The following GRID2 variants were observed in gnomAD, a reference collection of about 807,000 sequenced individuals.
GRID2 encodes glutamate ionotropic receptor delta type subunit 2, also known as glutamate receptor ionotropic, delta-2.
In GRID2, 33 loss-of-function variants were observed where a neutral mutation model predicts 114.8. The ratio of observed to expected loss-of-function variants is 0.29; its 90% CI spans 0.22 to 0.38. The LOEUF (loss-of-function observed/expected upper bound fraction) is 0.38. GRID2 is among the 10% of genes least tolerant of loss of function. The probability of loss-of-function intolerance (pLI) is 1.00; values close to 1 mark genes in which losing one functional copy is unlikely to be tolerated. For synonymous variants in GRID2, 505 were observed against 449.9 expected (o/e 1.12, Z -1.55); for missense variants, 1,184 against 1,257.7 (o/e 0.94, Z 0.89).
At chr4:92,470,995 TG>T (rs5860275) in intron 1 of GRID2, among the ~76,000 whole-genome samples, 23,413 of 151,926 alleles carry the variant, frequency 0.15, 2,248 homozygotes, top group African/African-American at 0.27. Context: ...AAGTAGGTTG[TG>T]TAGTATATTG....
chr4:93,383,374 G>T (rs1309054209), intron 8 of GRID2, among the ~76,000 whole-genome samples: 1 of 152,164 alleles, frequency 6.6e-6, no homozygotes, highest in Non-Finnish European at 1.5e-5. Flanking sequence ...ATTCATGGCT[G>T]CCTGCCATTG....
intron 7 of GRID2, among the ~76,000 whole-genome samples, chr4:93,230,958 G>T (rs1746060052): frequency 6.6e-6 from 1 of 151,980 alleles, no homozygotes; most frequent in Non-Finnish European, 1.5e-5. Context: ...ATTTGTTAGT[G>T]TTATGTAACC....
chr4:92,375,518 A>G (rs1729313104), intron 1 of GRID2, among the ~76,000 whole-genome samples: 1 of 152,192 alleles, frequency 6.6e-6, no homozygotes. Flanking sequence ...GATTAATGCC[A>G]TTCCATGCGT....
At chr4:93,149,631 T>TA (rs1736565521) in intron 4 of GRID2, among the ~76,000 whole-genome samples, 1 of 151,762 alleles carries the variant, frequency 6.6e-6, no homozygotes, top group Non-Finnish European at 1.5e-5. Context: ...GAAAAGCTTT[T>TA]ATTTATGTAT....
At chr4:93,315,031 G>A (rs1288541577) in intron 8 of GRID2, among the ~76,000 whole-genome samples, 1 of 152,102 alleles carries the variant, frequency 6.6e-6, no homozygotes, top group Non-Finnish European at 1.5e-5. Context: ...GTTTTGCCTG[G>A]CTGGGGAGGC....
intron 2 of GRID2, among the ~76,000 whole-genome samples, chr4:92,846,467 C>A (rs1743334505): frequency 6.6e-6 from 1 of 152,064 alleles, no homozygotes; most frequent in South Asian, 2.1e-4. Flanking sequence ...AATGGTCTCC[C>A]ACTGCATTCA....
chr4:92,763,895 A>C (rs1738139703), intron 2 of GRID2, among the ~76,000 whole-genome samples: 1 of 152,188 alleles, frequency 6.6e-6, no homozygotes, highest in African/African-American at 2.4e-5. Context: ...AAGAACAGAT[A>C]TAATCTCATT....
intron 2 of GRID2, among the ~76,000 whole-genome samples, chr4:92,728,702 T>G (rs1341104046): frequency 6.6e-6 from 1 of 151,844 alleles, no homozygotes; most frequent in Non-Finnish European, 1.5e-5. Context: ...CACAGACTTG[T>G]GAACACCCAT....
intron 3 of GRID2, among the ~76,000 whole-genome samples, chr4:93,101,843 C>T (rs1731736057): frequency 6.6e-6 from 1 of 152,058 alleles, no homozygotes; most frequent in African/African-American, 2.4e-5. Context: ...ATGTTATAGA[C>T]ATCAACTTTT....
intron 2 of GRID2, among the ~76,000 whole-genome samples, chr4:92,825,879 G>C (rs1741663800): frequency 6.6e-6 from 1 of 152,146 alleles, no homozygotes; most frequent in Admixed American, 6.6e-5. Context: ...TGGAGCCCAT[G>C]TTAGGAGAAA....
intron 10 of GRID2, among the ~76,000 whole-genome samples, chr4:93,430,739 G>T (rs1039528271): frequency 6.6e-6 from 1 of 152,224 alleles, no homozygotes; most frequent in Non-Finnish European, 1.5e-5. Flanking sequence ...AATGCACTAG[G>T]TGCAATGATA....
intron 4 of GRID2, among the ~76,000 whole-genome samples, chr4:93,189,098 C>A (rs1740724026): frequency 2.6e-5 from 4 of 152,156 alleles, no homozygotes. Context: ...CCAGGTTCTG[C>A]CCATTACCCA....
chr4:93,253,435 TTAAA>T (rs1749208530), intron 8 of GRID2, among the ~76,000 whole-genome samples: 1 of 152,148 alleles, frequency 6.6e-6, no homozygotes, highest in Non-Finnish European at 1.5e-5. Flanking sequence ...TTAGATCGTT[TTAAA>T]TAAAATTTAT....
chr4:93,442,427 T>C (rs1721706741), intron 10 of GRID2, among the ~76,000 whole-genome samples: 1 of 152,002 alleles, frequency 6.6e-6, no homozygotes, highest in African/African-American at 2.4e-5. Context: ...CAATATATAT[T>C]GTTAAGCCTC....
intron 1 of GRID2, among the ~76,000 whole-genome samples, chr4:92,505,226 T>C (rs916808690): frequency 1.3e-5 from 2 of 152,030 alleles, no homozygotes; most frequent in Non-Finnish European, 2.9e-5. Context: ...AATCATAATG[T>C]AAGCCCACTG....
chr4:92,795,756 A>G (rs1446427809), intron 2 of GRID2, among the ~76,000 whole-genome samples: 1 of 152,000 alleles, frequency 6.6e-6, no homozygotes, highest in Non-Finnish European at 1.5e-5. Flanking sequence ...GATTTCTGGC[A>G]CTGCTTCTTC....
In GRID2 at chr4:93,053,859, G is replaced by T. The variant is rs1726960258; in HGVS notation, c.245-31136G>T. ...CAACAAACACATGGATGCTTACCAA[G>T]ATCAATTAACAATATGTTATATTCC... On this transcript the variant is annotated intron_variant, in intron 2 of 15. Coordinates refer to ENST00000282020, the MANE Select transcript of GRID2 (RefSeq NM_001510.4). Among the ~76,000 whole-genome samples, 3 of 151,860 alleles carry T rather than the reference G, an allele frequency of 2.0e-5. No individual in the cohort carries two copies. The South Asian group carries it at 6.2e-4, about 31-fold the overall frequency.
At chr4:92,727,134 T>G (rs1158673268) in intron 2 of GRID2, among the ~76,000 whole-genome samples, 1 of 152,046 alleles carries the variant, frequency 6.6e-6, no homozygotes, top group Non-Finnish European at 1.5e-5. Flanking sequence ...CCCTATGTAT[T>G]TGTATATACA....
intron 1 of GRID2, among the ~76,000 whole-genome samples, chr4:92,334,085 G>T (rs565297354): frequency 6.6e-6 from 1 of 152,062 alleles, no homozygotes; most frequent in Non-Finnish European, 1.5e-5. Flanking sequence ...TAAAATCCTA[G>T]GGCCTGGACA....
Sources: gnomAD v4.1 joint callset for allele counts (sites outside exome capture counted in the v4.1 genomes callset) on GRCh38, gnomAD v4.1.1 for gene constraint, MANE v1.5 for transcripts, NCBI Gene and HGNC (gene_info 2026-07-23, HGNC 2026-07-21) for gene names.